CSF2RA: variants seen among roughly 807,000 people sequenced by gnomAD.
CSF2RA encodes the protein granulocyte-macrophage colony-stimulating factor receptor subunit alpha.
Under a neutral mutation model 51.6 loss-of-function variants are expected in CSF2RA, and 42 were observed. The ratio of observed to expected loss-of-function variants is 0.81; its 90% CI spans 0.64 to 1.05. The LOEUF (loss-of-function observed/expected upper bound fraction) is 1.05. Ranked by LOEUF, CSF2RA falls within the 50% of genes least tolerant of loss-of-function variation. CSF2RA has a pLI of 0.00. For synonymous variants in CSF2RA, 222 were observed against 193.0 expected, an observed-to-expected ratio of 1.15 and a Z score of -1.24; for missense variants, 530 against 501.1, an observed-to-expected ratio of 1.06 and a Z score of -0.55.
intron 12 of CSF2RA, 79 bp downstream of exon 12, chrX:1,305,606 G>A (rs745533205): frequency 2.0e-5 from 33 of 1,613,626 alleles, no homozygotes; most frequent in Non-Finnish European, 2.5e-5. Context: ...TCTGGGTGTC[G>A]ACCATCTTGC....
chrX:1,287,593 A>ATG (rs2090888971), intron 4 of CSF2RA, among the ~76,000 whole-genome samples: 1 of 118,086 alleles, frequency 8.5e-6, no homozygotes, highest in African/African-American at 3.2e-5. Flanking sequence ...ACAGGTGCCC[A>ATG]CCACCACACC....
chrX:1,296,054 CATACAG>C (rs1413238904), intron 9 of CSF2RA, among the ~76,000 whole-genome samples: 6 of 150,754 alleles, frequency 4.0e-5, no homozygotes, highest in East Asian at 2.0e-4. Context: ...CTAGCGTAAC[CATACAG>C]TCCCCTACCC....
At chrX:1,295,322 C>A in intron 8 of CSF2RA, 105 bp from the exon 9 acceptor site, 1 of 1,438,794 alleles carries the variant, frequency 7.0e-7, no homozygotes, top group Non-Finnish European at 9.8e-7. Context: ...CGCAGGGACT[C>A]CTTCCCATTC....
At chrX:1,301,929 T>C (rs1275397876) in intron 10 of CSF2RA, among the ~76,000 whole-genome samples, 5 of 145,012 alleles carry the variant, frequency 3.4e-5, no homozygotes, top group African/African-American at 1.3e-4. Flanking sequence ...TTTTTTTTTT[T>C]TTTTTAGATG....
chrX:1,310,844 G>A (rs1376056873), downstream of CSF2RA, among the ~76,000 whole-genome samples: 3 of 152,070 alleles, frequency 2.0e-5, no homozygotes, highest in East Asian at 5.8e-4. Context: ...GGACCTGGCA[G>A]GAGGTGTTTG....
At position 1,270,069 on chromosome X, in the gene CSF2RA, G is replaced by A. The variant is rs191364344; in HGVS notation, c.-91+1190G>A. ...GGTTGCAGTGAGCCCAGATTGCACC[G>A]TTGCACTCCAGCCTGGGCAACAAGA... is the stretch of plus-strand genomic sequence containing the variant. On this transcript the variant is annotated intron_variant, in intron 1 of 12. Coordinates refer to ENST00000381529, the MANE Select transcript of CSF2RA (RefSeq NM_172245.4). 1.1e-3 allele frequency among the ~76,000 whole-genome samples: 168 copies of A among 150,962 alleles called. 1 individual carries two copies. Among genetic ancestry groups the A allele is most frequent in the African/African-American group, 3.8e-3 (156 of 41,112 alleles).
At position 1,288,933 on chromosome X, in the gene CSF2RA, G is replaced by A. The variant is rs761710764; in HGVS notation, c.473+45G>A. ...GAAGAATTATGAGGAATGCAGGGAT[G>A]GGAGAAAAAATCATGCTGGTTTTCT... On this transcript the variant is annotated intron_variant, in intron 6 of 12. Coordinates refer to ENST00000381529, the MANE Select transcript of CSF2RA (RefSeq NM_172245.4). 3.7e-6 allele frequency: 6 copies of A among 1,610,880 alleles called. No homozygotes were observed. In the African/African-American group the frequency reaches 4.0e-5, roughly 11 times the overall value.
chrX:1,280,892 C>CCTCCTGCTCCTT (rs2089859085), intron 2 of CSF2RA, among the ~76,000 whole-genome samples: 1 of 136,072 alleles, frequency 7.3e-6, no homozygotes, highest in Admixed American at 7.5e-5. Context: ...TCCTTCTCCT[C>CCTCCTGCTCCTT]CTCCTCCTCC....
intron 8 of CSF2RA, 69 bp from the exon 9 acceptor site, chrX:1,295,358 T>G (rs2091840758): frequency 6.2e-7 from 1 of 1,601,274 alleles, no homozygotes; most frequent in Non-Finnish European, 8.6e-7. Context: ...GGAGACACTG[T>G]GTGAACCATC....
intron 8 of CSF2RA, among the ~76,000 whole-genome samples, chrX:1,294,765 C>T (rs1181249351): frequency 1.3e-5 from 2 of 151,976 alleles, no homozygotes; most frequent in Non-Finnish European, 2.9e-5. Flanking sequence ...GCTCCACCTC[C>T]AGCTGGACGC....
chrX:1,277,792 C>T (rs1251485006), intron 2 of CSF2RA, among the ~76,000 whole-genome samples: 13 of 146,966 alleles, frequency 8.8e-5, no homozygotes, highest in Admixed American at 7.0e-5. Flanking sequence ...GCCTGACCAA[C>T]ATGGTGAAAC....
downstream of CSF2RA, among the ~76,000 whole-genome samples, chrX:1,314,507 CCG>C (rs1569514900): frequency 3.9e-4 from 52 of 134,064 alleles, 2 homozygotes; most frequent in Non-Finnish European, 7.2e-4. Flanking sequence ...GCCTGCCCAA[CCG>C]CACTGCACCT....
chrX:1,274,448 C>T (rs750726299), intron 1 of CSF2RA, among the ~76,000 whole-genome samples: 1 of 145,912 alleles, frequency 6.9e-6, no homozygotes, highest in South Asian at 2.2e-4. Context: ...CCACAGCCTT[C>T]TGAGTAGCTG....
intron 4 of CSF2RA, among the ~76,000 whole-genome samples, chrX:1,286,755 G>C (rs1368650438): frequency 6.6e-6 from 1 of 152,094 alleles, no homozygotes; most frequent in African/African-American, 2.4e-5. Flanking sequence ...CTATGTTACC[G>C]TATTTTACCC....
intron 7 of CSF2RA, among the ~76,000 whole-genome samples, chrX:1,291,769 A>T (rs2091424321): frequency 6.7e-6 from 1 of 149,762 alleles, no homozygotes; most frequent in South Asian, 2.1e-4. Flanking sequence ...CTCCACCTGG[A>T]CCCAGTGTAG....
rs756897659 is a variant in CSF2RA at position 1,306,219 on chromosome X, GCAGA to G, written c.1125+698_1125+701del. Among the ~76,000 whole-genome samples, 52 of 151,912 alleles carry G rather than the reference GCAGA, an allele frequency of 3.4e-4. No homozygotes were observed. In the East Asian group the frequency reaches 9.7e-3, roughly 28 times the overall value. ...GGAGACACAAAAGAGAGGGAAACAG[GCAGA>G]CAGACTGACAGAAACAAAGGCAGAC... On this transcript the variant is annotated intron_variant, in intron 12 of 12. Transcript: ENST00000381529.
chrX:1,301,089 G>T (rs1231620058), intron 10 of CSF2RA, among the ~76,000 whole-genome samples: 5 of 151,560 alleles, frequency 3.3e-5, no homozygotes, highest in African/African-American at 7.3e-5. Flanking sequence ...GGAGGCGGAG[G>T]TTGCACTGAG....
At chrX:1,305,624 C>G in intron 12 of CSF2RA, 97 bp downstream of exon 12, 1 of 1,613,626 alleles carries the variant, frequency 6.2e-7, no homozygotes, top group Non-Finnish European at 8.5e-7. Flanking sequence ...TGCTTCTCCA[C>G]CAGATGGGAC....
chrX:1,319,588 C>G, the CSF2RA span, among the ~76,000 whole-genome samples: 3 of 149,720 alleles, frequency 2.0e-5, no homozygotes, highest in African/African-American at 7.3e-5. Context: ...ATGCCTAGCC[C>G]AAGTTTTTTG....
Sources: allele counts gnomAD v4.1 joint callset (sites outside exome capture counted in the v4.1 genomes callset), GRCh38; gene constraint gnomAD v4.1.1; transcripts MANE v1.5; gene names NCBI Gene and HGNC (gene_info 2026-07-23, HGNC 2026-07-21).